The following ATP2C1 variants were observed in gnomAD, a reference collection of about 807,000 sequenced individuals.
The protein encoded by ATP2C1 is ATPase secretory pathway Ca2+ transporting 1.
ATP2C1 carries 31 observed loss-of-function variants against 120.5 expected under a neutral mutation model. That is an observed-to-expected ratio of 0.26 (90% CI 0.19 to 0.35). The LOEUF (loss-of-function observed/expected upper bound fraction) is 0.35, where lower values mean the gene tolerates loss of function less well. Ranked by LOEUF, ATP2C1 falls within the 10% of genes least tolerant of loss-of-function variation. ATP2C1 has a pLI of 1.00. For synonymous variants in ATP2C1, 351 were observed against 358.7 expected (o/e 0.98, Z 0.24); for missense variants, 731 against 1,107.5 (o/e 0.66, Z 4.83).
At chr3:130,931,270 A>T (rs897000043) in intron 3 of ATP2C1, among the ~76,000 whole-genome samples, 9 of 152,088 alleles carry the variant, frequency 5.9e-5, no homozygotes, top group African/African-American at 1.9e-4. Context: ...GGGGGTACAG[A>T]TAATTTTATT....
chr3:130,894,951 G>T lies in ATP2C1; in HGVS notation c.6+176G>T, dbSNP rs914733672. On this transcript the variant is annotated intron_variant, in intron 2 of 27. Coordinates refer to ENST00000510168, the MANE Select transcript of ATP2C1 (RefSeq NM_001378687.1). The surrounding 1 kb of genome is among the most constrained non-coding windows in gnomAD (Gnocchi z 4.5). The stretch of plus-strand genomic sequence containing the variant: ...TCCAGCTTTTATTTTGGTAACATGG[G>T]GCATTTGAGAGATTGAGGTTCTGTG... Among the ~76,000 whole-genome samples, 6 of 152,110 alleles carry T rather than the reference G, an allele frequency of 3.9e-5. No homozygotes were observed. Among genetic ancestry groups the T allele is most frequent in the Non-Finnish European group, 8.8e-5 (6 of 68,020 alleles).
intron 15 of ATP2C1, 23 bp downstream of exon 15, chr3:130,967,263 T>A (rs778366583): frequency 6.2e-7 from 1 of 1,612,466 alleles, no homozygotes; most frequent in Non-Finnish European, 8.5e-7. Flanking sequence ...TTTTCCAAGA[T>A]GGTGACTTTC....
At chr3:130,957,978 G>A (rs2060653465) in intron 11 of ATP2C1, among the ~76,000 whole-genome samples, 3 of 152,102 alleles carry the variant, frequency 2.0e-5, no homozygotes, top group Admixed American at 2.0e-4. Flanking sequence ...TTTTACTGGT[G>A]TGTATGCCCT....
chr3:130,855,683 GA>G (rs199880970), intron 1 of ATP2C1, among the ~76,000 whole-genome samples: 2 of 152,090 alleles, frequency 1.3e-5, no homozygotes, highest in African/African-American at 2.4e-5. Context: ...GGCCATATGA[GA>G]AAAAAACTCT....
upstream of ATP2C1, among the ~76,000 whole-genome samples, chr3:130,889,638 C>CTTTTTTT (rs1170424148): frequency 1.7e-4 from 13 of 77,658 alleles, 1 homozygote; most frequent in South Asian, 1.5e-3. Context: ...ATTCTTTAAA[C>CTTTTTTT]TTTTTTTTTT....
In ATP2C1 at chr3:130,894,344, A is replaced by T; in HGVS notation, c.-181+7A>T. The T allele has an allele frequency of 9.9e-7, 1 of 1,014,558 alleles. No individual in the cohort carries two copies. Among genetic ancestry groups the T allele is most frequent in the Non-Finnish European group, 1.2e-6 (1 of 846,200 alleles). The allele number at this position is 1,014,558 out of a possible 1,614,324, so 62.8% of individuals were successfully genotyped here. On this transcript the variant is annotated splice_region_variant and intron_variant, in intron 1 of 27. Transcript: ENST00000510168. This position sits in a 1 kb window ranked among gnomAD's most constrained non-coding sequence, Gnocchi z 4.5. The stretch of plus-strand genomic sequence containing the variant: ...GGGCTGTCCGGGGCTTTGGGTGGGT[A>T]CCAGTATTACCTCCTGCCCCCATTT...
At chr3:130,914,614 T>C (rs1469923953) in intron 2 of ATP2C1, among the ~76,000 whole-genome samples, 1 of 152,226 alleles carries the variant, frequency 6.6e-6, no homozygotes, top group African/African-American at 2.4e-5. Flanking sequence ...GGGCTTGAAC[T>C]CTTGATCTTC....
chr3:131,016,109 C>G, intron 26 of ATP2C1: 1 of 1,606,314 alleles, frequency 6.2e-7, no homozygotes, highest in Non-Finnish European at 8.5e-7. Context: ...CTTTTGTGTG[C>G]TTCCATCTGA....
chr3:130,862,119 G>A (rs1306521926), intron 1 of ATP2C1, among the ~76,000 whole-genome samples: 8 of 149,540 alleles, frequency 5.3e-5, no homozygotes, highest in South Asian at 2.1e-4. Context: ...GACTACAGGC[G>A]CCTGCCACCA....
chr3:131,003,179 A>C (rs1468682264), downstream of ATP2C1: 1 of 978,114 alleles, frequency 1.0e-6, no homozygotes, highest in Non-Finnish European at 1.2e-6. Flanking sequence ...TATTAGCATT[A>C]AAATTATCCA....
chr3:130,936,202 T>C (rs1254529219), intron 5 of ATP2C1, among the ~76,000 whole-genome samples: 1 of 151,808 alleles, frequency 6.6e-6, no homozygotes, highest in Middle Eastern at 3.2e-3. Flanking sequence ...TCAACAAATG[T>C]GTGTTTTTTT....
At chr3:130,865,745 G>A (rs763517913) in intron 1 of ATP2C1, among the ~76,000 whole-genome samples, 3 of 152,012 alleles carry the variant, frequency 2.0e-5, no homozygotes, top group Non-Finnish European at 2.9e-5. Context: ...TTCACTTCCC[G>A]CCATGTTTCT....
intron 18 of ATP2C1, among the ~76,000 whole-genome samples, chr3:130,978,675 GT>G (rs1396272637): frequency 6.6e-6 from 1 of 152,184 alleles, no homozygotes; most frequent in Non-Finnish European, 1.5e-5. Context: ...CCAAACTATT[GT>G]TGGTATTAAT....
At chr3:130,853,587 T>C (rs2067744654) in intron 1 of ATP2C1, among the ~76,000 whole-genome samples, 1 of 152,192 alleles carries the variant, frequency 6.6e-6, no homozygotes, top group African/African-American at 2.4e-5. Context: ...CTTGCCCTCC[T>C]GGAGGTCTCC....
intron 26 of ATP2C1, chr3:131,014,448 A>G (rs764402242): frequency 2.8e-5 from 41 of 1,461,750 alleles, no homozygotes; most frequent in East Asian, 9.2e-5. Flanking sequence ...CAGGATAACT[A>G]CCATTGACAT....
chr3:130,921,379 G>A (rs764395545), intron 2 of ATP2C1, among the ~76,000 whole-genome samples: 10 of 152,148 alleles, frequency 6.6e-5, no homozygotes, highest in Non-Finnish European at 1.5e-4. Context: ...ACTGTGCCTG[G>A]CCCAAAAGGG....
chr3:130,996,263 A>C (rs1349409440), intron 23 of ATP2C1, 152 bp downstream of exon 23: 1 of 670,814 alleles, frequency 1.5e-6, no homozygotes, highest in Non-Finnish European at 2.6e-6. Context: ...TTGTATTCTG[A>C]AATTTTAAAT....
intron 2 of ATP2C1, chr3:130,918,401 A>G (rs2058783318): frequency 4.9e-6 from 6 of 1,220,154 alleles, no homozygotes; most frequent in Non-Finnish European, 7.3e-6. Context: ...TTCCAGCTCC[A>G]GTTACCTTCT....
At chr3:130,938,833 A>G (rs1218335060) in intron 6 of ATP2C1, among the ~76,000 whole-genome samples, 2 of 152,232 alleles carry the variant, frequency 1.3e-5, no homozygotes, top group African/African-American at 4.8e-5. Context: ...TAGTATCACT[A>G]TGTATGGAAG....
Sources: allele counts gnomAD v4.1 joint callset (sites outside exome capture counted in the v4.1 genomes callset), GRCh38; gene constraint gnomAD v4.1.1; non-coding constraint Gnocchi (gnomAD v3.1); transcripts MANE v1.5; gene names NCBI Gene and HGNC (gene_info 2026-07-23, HGNC 2026-07-21).